The following ADAM23 variants were observed in gnomAD, a reference collection of about 807,000 sequenced individuals.
ADAM23 encodes the protein disintegrin and metalloproteinase domain-containing protein 23.
ADAM23 carries 33 observed loss-of-function variants against 120.1 expected under a neutral mutation model. The ratio of observed to expected loss-of-function variants is 0.27; its 90% CI spans 0.21 to 0.37. The LOEUF is 0.37. Ranked by LOEUF, ADAM23 falls within the 10% of genes least tolerant of loss-of-function variation. The pLI, the probability that ADAM23 is intolerant of heterozygous loss-of-function variation, is 1.00. For synonymous variants in ADAM23, 367 were observed against 375.2 expected (o/e 0.98, Z 0.25); for missense variants, 862 against 1,058.2 (o/e 0.81, Z 2.57).
intron 2 of ADAM23, among the ~76,000 whole-genome samples, chr2:206,468,724 C>A (rs138837542): frequency 1.3e-5 from 2 of 152,270 alleles, no homozygotes; most frequent in Admixed American, 1.3e-4. Context: ...CAATACCTCA[C>A]TCTTGGTACC....
chr2:206,572,801 T>C (rs1698031106), intron 17 of ADAM23, among the ~76,000 whole-genome samples: 1 of 152,220 alleles, frequency 6.6e-6, no homozygotes, highest in South Asian at 2.1e-4. Context: ...GTTTTGCTAT[T>C]TTGTCTTAAG....
intron 24 of ADAM23, chr2:206,609,641 G>T: frequency 2.6e-6 from 1 of 383,378 alleles, no homozygotes; most frequent in Non-Finnish European, 4.6e-6. Context: ...AGCAAGTGGG[G>T]CCTATTTGCT....
At chr2:206,458,229 C>CATGGACATAATA (rs1695340461) in intron 2 of ADAM23, among the ~76,000 whole-genome samples, 1 of 152,256 alleles carries the variant, frequency 6.6e-6, no homozygotes, top group African/African-American at 2.4e-5. Context: ...TTATCAATCG[C>CATGGACATAATA]ACAGTGCCTG....
intron 25 of ADAM23, among the ~76,000 whole-genome samples, chr2:206,612,078 G>A (rs980322316): frequency 4.6e-5 from 7 of 152,318 alleles, no homozygotes; most frequent in African/African-American, 1.4e-4. Flanking sequence ...CAAAGAAAAC[G>A]ATGAAGACTA....
intron 2 of ADAM23, among the ~76,000 whole-genome samples, chr2:206,467,976 C>T (rs1695575921): frequency 6.6e-6 from 1 of 152,152 alleles, no homozygotes; most frequent in South Asian, 2.1e-4. Context: ...CTCTTTTAAC[C>T]ATGACTGGCC....
At chr2:206,556,692 AATAAAC>A (rs1401310043) in intron 9 of ADAM23, among the ~76,000 whole-genome samples, 2 of 152,162 alleles carry the variant, frequency 1.3e-5, no homozygotes, top group Non-Finnish European at 2.9e-5. Context: ...TTATTTCTTA[AATAAAC>A]ATAAACAATC....
intron 4 of ADAM23, among the ~76,000 whole-genome samples, chr2:206,535,869 A>T (rs939967665): frequency 3.3e-5 from 5 of 152,212 alleles, no homozygotes; most frequent in African/African-American, 1.2e-4. Context: ...TGAGGTGATG[A>T]GACTATTCTG....
intron 24 of ADAM23, among the ~76,000 whole-genome samples, chr2:206,600,201 C>G (rs1698613312): frequency 1.3e-5 from 2 of 152,010 alleles, no homozygotes; most frequent in Non-Finnish European, 2.9e-5. Context: ...GACACTGTCT[C>G]AGGAAAAAAA....
intron 2 of ADAM23, among the ~76,000 whole-genome samples, chr2:206,451,717 G>A (rs1003017610): frequency 1.6e-4 from 25 of 152,220 alleles, no homozygotes; most frequent in Non-Finnish European, 3.5e-4. Context: ...CCTTTGCAGA[G>A]CTCATGCTGA....
At position 206,557,464 on chromosome 2, in the gene ADAM23, A is replaced by G. The variant is rs771538203; in HGVS notation, c.971A>G (p.Asn324Ser). The stretch of plus-strand genomic sequence containing the variant: ...CGCTCTTCTCATGCACATACCAACA[A>G]CTTTGCAAAGTCCGTGGTCAACCTT... ...KHRSSHAHTN[N>S]FAKSVVNLVD... is the part of the protein sequence containing the mutation. Residue 324 changes from asparagine to serine, a missense_variant, in exon 10 of 26, where the codon AAC (asparagine) becomes AGC (serine). Coordinates refer to ENST00000264377, the MANE Select transcript of ADAM23 (RefSeq NM_003812.4). 5.6e-6 allele frequency: 9 copies of G among 1,613,944 alleles called. No homozygotes were observed. The East Asian group carries it at 8.9e-5, about 16-fold the overall frequency.
At chr2:206,522,641 G>A (rs1452272252) in intron 3 of ADAM23, among the ~76,000 whole-genome samples, 1 of 152,046 alleles carries the variant, frequency 6.6e-6, no homozygotes, top group African/African-American at 2.4e-5. Context: ...TTATAGTTAT[G>A]TTAATAAATA....
chr2:206,448,880 G>A (rs896750050), intron 2 of ADAM23, among the ~76,000 whole-genome samples: 1 of 152,318 alleles, frequency 6.6e-6, no homozygotes, highest in African/African-American at 2.4e-5. Context: ...TGTAAGTAAA[G>A]TATTTCCTGA....
intron 3 of ADAM23, among the ~76,000 whole-genome samples, chr2:206,490,075 T>A (rs966202506): frequency 3.3e-5 from 5 of 152,224 alleles, no homozygotes; most frequent in Non-Finnish European, 7.3e-5. Context: ...TGAAATCTTT[T>A]GGGTGGCCCT....
chr2:206,534,188 A>G (rs1382082042), intron 4 of ADAM23, among the ~76,000 whole-genome samples: 2 of 152,148 alleles, frequency 1.3e-5, no homozygotes, highest in Non-Finnish European at 2.9e-5. Flanking sequence ...TCTTTTACCA[A>G]CCATAGGTAA....
At chr2:206,550,838 T>A (rs951279285) in intron 9 of ADAM23, among the ~76,000 whole-genome samples, 4 of 152,166 alleles carry the variant, frequency 2.6e-5, no homozygotes, top group Non-Finnish European at 4.4e-5. Flanking sequence ...CCTGACCTCG[T>A]GATCCGCCTG....
In ADAM23 at chr2:206,445,426, A is replaced by G. The variant is rs1211001839; in HGVS notation, c.334A>G (p.Thr112Ala). Residue 112 changes from threonine (T) to alanine (A), a missense_variant, in exon 2 of 26, where the codon ACA (threonine) becomes GCA (alanine). Transcript: ENST00000264377. ...CAGCAATGCAATGCAGAAAGAAATC[A>G]CACTGCCTTCAAGACTCATATATTA... Reference protein sequence around the residue: ...SYSNAMQKEITLPSRLIYYIN... With the variant: ...SYSNAMQKEIALPSRLIYYIN... 1 of 1,614,158 alleles carries G rather than the reference A, an allele frequency of 6.2e-7. No individual in the cohort carries two copies. Among genetic ancestry groups the G allele is most frequent in the Non-Finnish European group, 8.5e-7 (1 of 1,180,008 alleles).
At chr2:206,591,310 G>T (rs933314905) in intron 21 of ADAM23, among the ~76,000 whole-genome samples, 1 of 152,130 alleles carries the variant, frequency 6.6e-6, no homozygotes, top group East Asian at 1.9e-4. Flanking sequence ...CAGAAATAGT[G>T]CAGATACCTT....
At chr2:206,533,211 A>C (rs554451189) in intron 4 of ADAM23, among the ~76,000 whole-genome samples, 1 of 151,640 alleles carries the variant, frequency 6.6e-6, no homozygotes, top group African/African-American at 2.4e-5. Flanking sequence ...TTTTATTTTT[A>C]TTTTTTTGAG....
intron 2 of ADAM23, among the ~76,000 whole-genome samples, chr2:206,446,232 A>C (rs1330832898): frequency 1.3e-5 from 2 of 152,228 alleles, no homozygotes; most frequent in African/African-American, 4.8e-5. Flanking sequence ...TATCAGTAGA[A>C]GACAAATGTT....
Sources: gnomAD v4.1 joint callset for allele counts (sites outside exome capture counted in the v4.1 genomes callset) on GRCh38, gnomAD v4.1.1 for gene constraint, MANE v1.5 for transcripts, NCBI Gene and HGNC (gene_info 2026-07-23, HGNC 2026-07-21) for gene names.